The following TANGO6 variants were observed in gnomAD, a reference collection of about 807,000 sequenced individuals.
TANGO6 encodes the protein transport and golgi organization 6 homolog, also known as transport and Golgi organization protein 6 homolog.
In TANGO6, 90 loss-of-function variants were observed where a neutral mutation model predicts 114.2. The observed-to-expected ratio is 0.79, with a 90% CI of 0.66 to 0.94. The LOEUF is 0.94. Ranked by LOEUF, TANGO6 falls within the 40% of genes least tolerant of loss-of-function variation. TANGO6 has a pLI of 0.00. For synonymous variants in TANGO6, 477 were observed against 509.8 expected (o/e 0.94, Z 0.87); for missense variants, 1,274 against 1,315.3 (o/e 0.97, Z 0.49).
At chr16:68,918,409 G>A (rs1158911175) in intron 11 of TANGO6, among the ~76,000 whole-genome samples, 1 of 152,074 alleles carries the variant, frequency 6.6e-6, no homozygotes, top group Non-Finnish European at 1.5e-5. Context: ...TGTGCCTTTG[G>A]TGTTGTATCT....
intron 17 of TANGO6, among the ~76,000 whole-genome samples, chr16:69,064,348 T>C (rs566783742): frequency 5.2e-4 from 79 of 152,242 alleles, no homozygotes; most frequent in Middle Eastern, 3.4e-3. Flanking sequence ...GCCCTAAGGA[T>C]TGCAGTCTGC....
At chr16:68,872,666 AT>A (rs34193925) in intron 4 of TANGO6, among the ~76,000 whole-genome samples, 29,795 of 139,006 alleles carry the variant, frequency 0.21, 3,109 homozygotes, top group African/African-American at 0.31. Context: ...ATGCCTGGTA[AT>A]TTTTTTTTTT....
At position 68,860,193 on chromosome 16, in the gene TANGO6, A is replaced by C; in HGVS notation, c.404A>C (p.Asp135Ala). 1 of 1,613,984 alleles carries C rather than the reference A, an allele frequency of 6.2e-7. No individual in the cohort carries two copies. The highest frequency in any genetic ancestry group is 8.5e-7 in the Non-Finnish European group (1 of 1,179,882). ...TPEVAPALSP[D>A]ALSISQQKTV... ...GAAGTTGCTCCTGCCCTGAGCCCCG[A>C]TGCACTTAGTATCTCACAACAGAAG... The change falls in exon 2 of 18, where the codon GAT becomes GCT. Residue 135 changes from aspartate (D) to alanine (A), a missense_variant. Around this residue, in one of 5 missense-constraint regions of TANGO6, gnomAD observed 908 missense variants for 910.2 expected, o/e 1.00. Coordinates refer to ENST00000261778, the MANE Select transcript of TANGO6 (RefSeq NM_024562.2).
intron 17 of TANGO6, among the ~76,000 whole-genome samples, chr16:69,067,624 C>A (rs1041932856): frequency 3.3e-5 from 5 of 150,848 alleles, no homozygotes; most frequent in Admixed American, 2.6e-4. Flanking sequence ...TGGAGACCAG[C>A]CTGGGCAACA....
At chr16:69,079,089 G>A (rs1193271503) in intron 17 of TANGO6, among the ~76,000 whole-genome samples, 1 of 151,902 alleles carries the variant, frequency 6.6e-6, no homozygotes, top group Non-Finnish European at 1.5e-5. Flanking sequence ...ACTTTGGGAG[G>A]CCAAGGTGGG....
rs562246011 is a variant in TANGO6 at position 68,912,852 on chromosome 16, G to A, written c.1992+3450G>A. 9.4e-5 allele frequency among the ~76,000 whole-genome samples: 14 copies of A among 149,522 alleles called. 1 individual carries two copies. Among genetic ancestry groups the A allele is most frequent in the Admixed American group, 8.0e-4 (12 of 14,926 alleles). ...GCACTTTGGGAGGCCGAGGTGAGCG[G>A]AGCATTTGAGCCCAGGTGTTCGAGA... On this transcript the variant is annotated intron_variant, in intron 11 of 17. Transcript: ENST00000261778.
At chr16:68,925,836 A>G (rs1375919584) in intron 12 of TANGO6, among the ~76,000 whole-genome samples, 1 of 149,962 alleles carries the variant, frequency 6.7e-6, no homozygotes, top group East Asian at 1.9e-4. Context: ...TGTGCATGCC[A>G]GTTGTTCCAG....
At chr16:68,844,550 C>A (rs75511502) in intron 1 of TANGO6, among the ~76,000 whole-genome samples, 1,963 of 152,146 alleles carry the variant, frequency 0.013, 46 homozygotes, top group African/African-American at 0.045. Context: ...TTAGCAAGGG[C>A]ACATGAAAGG....
intron 1 of TANGO6, among the ~76,000 whole-genome samples, chr16:68,855,206 C>A (rs1477278599): frequency 3.7e-4 from 54 of 147,528 alleles, no homozygotes; most frequent in African/African-American, 1.3e-3. Context: ...AGCTCCGTCT[C>A]AAAAAAAAAT....
intron 9 of TANGO6, among the ~76,000 whole-genome samples, chr16:68,903,576 C>T (rs149569978): frequency 6.9e-6 from 1 of 144,084 alleles, no homozygotes; most frequent in Non-Finnish European, 1.5e-5. Flanking sequence ...TGGGATCGTA[C>T]CACTGCACTC....
At chr16:68,936,810 TAAAAAAAA>T (rs199619010) in intron 14 of TANGO6, among the ~76,000 whole-genome samples, 1 of 140,934 alleles carries the variant, frequency 7.1e-6, no homozygotes, top group African/African-American at 2.6e-5. Context: ...GAGAAAAAAA[TAAAAAAAA>T]AAAACCACCT....
chr16:69,023,751 G>A (rs1959452044), intron 16 of TANGO6, among the ~76,000 whole-genome samples: 2 of 151,912 alleles, frequency 1.3e-5, no homozygotes, highest in South Asian at 2.1e-4. Context: ...AAAAAAAAAC[G>A]CTTAAGTTCC....
At chr16:68,846,280 C>T (rs1376164853) in intron 1 of TANGO6, among the ~76,000 whole-genome samples, 1 of 152,084 alleles carries the variant, frequency 6.6e-6, no homozygotes, top group African/African-American at 2.4e-5. Flanking sequence ...CCTGCCTTGA[C>T]CTCCCAGAGT....
intron 1 of TANGO6, among the ~76,000 whole-genome samples, chr16:68,844,512 G>A (rs1961773632): frequency 6.6e-6 from 1 of 152,124 alleles, no homozygotes; most frequent in African/African-American, 2.4e-5. Context: ...GTATATTTGG[G>A]GGAAGGGATG....
chr16:68,907,560 C>T lies in TANGO6; in HGVS notation c.1785C>T (p.Phe595=), dbSNP rs1477612665. The change falls in exon 10 of 18, where the codon TTC becomes TTT. Residue 595 remains phenylalanine (F), a synonymous_variant. Transcript: ENST00000261778. The stretch of plus-strand genomic sequence containing the variant: ...AATGCGGTTTGGCAGGAGACTTCTT[C>T]ATCTTCTGTTTGAAAGTAAGAACTA... ...CQECGLAGDF[F]IFCLKELTHV... 6.2e-7 allele frequency: 1 copy of T among 1,612,746 alleles called. No individual in the cohort carries two copies. Among genetic ancestry groups the T allele is most frequent in the East Asian group, 2.2e-5 (1 of 44,842 alleles).
intron 15 of TANGO6, among the ~76,000 whole-genome samples, chr16:69,009,415 A>G (rs950564689): frequency 3.9e-5 from 6 of 152,106 alleles, no homozygotes; most frequent in African/African-American, 1.2e-4. Flanking sequence ...GTTTTATTCT[A>G]TTGATTTACC....
At position 68,860,324 on chromosome 16, in the gene TANGO6, G is replaced by A. The variant is rs766273798; in HGVS notation, c.535G>A (p.Val179Ile). The stretch of plus-strand genomic sequence containing the variant: ...ATATAGAACTGAATTTGGTGCCGTC[G>A]TTCAAGACGTGGTGTGTTTTGATGC... ...LRYRTEFGAV[V>I]QDVVCFDAAP... The change falls in exon 2 of 18, where the codon GTT becomes ATT. Residue 179 changes from valine (V) to isoleucine (I), a missense_variant. Val to Ile is a conservative substitution (Grantham distance 29, BLOSUM62 3). This residue lies in a region of TANGO6 where 908 missense variants were observed against 910.2 expected (regional missense o/e 1.00). Transcript: ENST00000261778. 2.6e-5 allele frequency: 42 copies of A among 1,613,792 alleles called. No individual in the cohort carries two copies. Among genetic ancestry groups the A allele is most frequent in the Non-Finnish European group, 2.4e-5 (28 of 1,179,900 alleles).
At chr16:68,980,409 C>CTATATATATA (rs1231646458) in intron 15 of TANGO6, among the ~76,000 whole-genome samples, 2 of 68,010 alleles carry the variant, frequency 2.9e-5, no homozygotes, top group African/African-American at 1.3e-4. Flanking sequence ...CTCTCTCTCT[C>CTATATATATA]TATATATATA....
intron 1 of TANGO6, among the ~76,000 whole-genome samples, chr16:68,858,870 C>A (rs897640769): frequency 2.0e-5 from 3 of 152,112 alleles, no homozygotes; most frequent in African/African-American, 7.2e-5. Context: ...TGATGTTTTT[C>A]GTTAGCATTC....
Sources: allele counts gnomAD v4.1 joint callset (sites outside exome capture counted in the v4.1 genomes callset), GRCh38; gene constraint gnomAD v4.1.1; regional missense constraint gnomAD v4.1.1; transcripts MANE v1.5; gene names NCBI Gene and HGNC (gene_info 2026-07-23, HGNC 2026-07-21).